ZNF618: variants seen among roughly 807,000 people sequenced by gnomAD.
ZNF618 encodes neural precursor cell expressed, developmentally down-regulated 10.
Under a neutral mutation model 103.0 loss-of-function variants are expected in ZNF618, and 34 were observed. The ratio of observed to expected loss-of-function variants is 0.33; its 90% CI spans 0.25 to 0.44. ZNF618 has a LOEUF of 0.44. Ranked by LOEUF, ZNF618 falls within the 20% of genes least tolerant of loss-of-function variation. The pLI, the probability that ZNF618 is intolerant of heterozygous loss-of-function variation, is 1.00. For missense variants in ZNF618, 1,059 were observed against 1,295.4 expected (o/e 0.82, Z 2.80); for synonymous variants, 551 against 542.2 (o/e 1.02, Z -0.23).
intron 1 of ZNF618, among the ~76,000 whole-genome samples, chr9:113,953,077 G>T (rs1835922163): frequency 6.6e-6 from 1 of 152,102 alleles, no homozygotes; most frequent in African/African-American, 2.4e-5. Flanking sequence ...CTGCTCCCAG[G>T]GTCTACTGTA....
chr9:113,990,299 C>G (rs1331079143), intron 3 of ZNF618, among the ~76,000 whole-genome samples: 9 of 152,152 alleles, frequency 5.9e-5, no homozygotes, highest in Admixed American at 5.2e-4. Context: ...CCTGCCTCTT[C>G]CATGAAAGTG....
chr9:113,929,715 G>A (rs1225005891), intron 1 of ZNF618, among the ~76,000 whole-genome samples: 2 of 152,092 alleles, frequency 1.3e-5, no homozygotes, highest in Non-Finnish European at 2.9e-5. Context: ...TTTATAGTGG[G>A]GATAAGGCCA....
At chr9:113,957,096 A>C (rs562435793) in intron 1 of ZNF618, among the ~76,000 whole-genome samples, 5 of 152,202 alleles carry the variant, frequency 3.3e-5, no homozygotes, top group Non-Finnish European at 5.9e-5. Flanking sequence ...TGTAGATACT[A>C]TGCTGGGAAC....
At chr9:114,036,844 T>G (rs1228989960) in intron 13 of ZNF618, among the ~76,000 whole-genome samples, 1 of 152,212 alleles carries the variant, frequency 6.6e-6, no homozygotes, top group Non-Finnish European at 1.5e-5. Flanking sequence ...TGTCCCAGAA[T>G]GCAGTTGCGC....
chr9:113,942,043 AAAACATTTAGGACAATGTCTGGT>A lies in ZNF618; in HGVS notation c.34-27072_34-27050del, dbSNP rs527745379. On this transcript the variant is annotated intron_variant, in intron 1 of 14. Transcript: ENST00000374126. ...GGAGACGAAATAGGACACAACGGAC[AAAACATTTAGGACAATGTCTGGT>A]ATGGAGGAAGTGGTCAATACGGGAA... 1.2e-4 allele frequency among the ~76,000 whole-genome samples: 19 copies of A among 152,316 alleles called. No individual in the cohort carries two copies. The East Asian group carries it at 2.7e-3, about 22-fold the overall frequency.
intron 1 of ZNF618, among the ~76,000 whole-genome samples, chr9:113,901,664 C>G (rs543635908): frequency 6.6e-6 from 1 of 152,124 alleles, no homozygotes; most frequent in African/African-American, 2.4e-5. Context: ...AGGGTTATCA[C>G]GGGGTCTCGT....
intron 3 of ZNF618, 25 bp downstream of exon 3, chr9:113,988,605 G>A (rs1839717400): frequency 6.3e-7 from 1 of 1,587,708 alleles, no homozygotes; most frequent in Non-Finnish European, 8.5e-7. Context: ...TCTGTGGTCA[G>A]GGTGGAGACC....
At chr9:113,882,624 A>G (rs759317805) in intron 1 of ZNF618, among the ~76,000 whole-genome samples, 6 of 152,212 alleles carry the variant, frequency 3.9e-5, no homozygotes, top group Non-Finnish European at 8.8e-5. Flanking sequence ...CCTGCCATCC[A>G]TGAGACTTTC....
chr9:113,946,673 G>A (rs542173650), intron 1 of ZNF618, among the ~76,000 whole-genome samples: 7 of 152,170 alleles, frequency 4.6e-5, no homozygotes, highest in East Asian at 1.9e-4. Context: ...GTCTGTGTGC[G>A]TCTTTTGCCT....
At chr9:113,949,439 G>A (rs1004419513) in intron 1 of ZNF618, among the ~76,000 whole-genome samples, 1 of 152,120 alleles carries the variant, frequency 6.6e-6, no homozygotes, top group Non-Finnish European at 1.5e-5. Context: ...ACAGTCCCTC[G>A]GAGGCGTATG....
At position 113,913,758 on chromosome 9, in the gene ZNF618, A is replaced by T. The variant is rs943754449; in HGVS notation, c.33+37345A>T. Reference sequence around the variant, plus strand: ...GAGGGAGGGTGGGTGCTGTGGAAAGACTGTTGTCTTGGGTTTGAGGGTAGA... The same window carrying T: ...GAGGGAGGGTGGGTGCTGTGGAAAGTCTGTTGTCTTGGGTTTGAGGGTAGA... On this transcript the variant is annotated intron_variant, in intron 1 of 14. Coordinates refer to ENST00000374126, the MANE Select transcript of ZNF618 (RefSeq NM_001318042.2). Among the ~76,000 whole-genome samples, 15 of 152,238 alleles carry T rather than the reference A, an allele frequency of 9.9e-5. No homozygotes were observed. In the South Asian group the frequency reaches 2.5e-3, roughly 25 times the overall value.
chr9:113,938,524 TGTTATTTGTAG>T (rs200710408), intron 1 of ZNF618, among the ~76,000 whole-genome samples: 7,327 of 151,558 alleles, frequency 0.048, 267 homozygotes, highest in African/African-American at 0.096. Context: ...TGTTTTGTAG[TGTTATTTGTAG>T]GATGTGATTC....
intron 1 of ZNF618, among the ~76,000 whole-genome samples, chr9:113,905,318 C>T (rs1830897618): frequency 6.6e-6 from 1 of 152,140 alleles, no homozygotes; most frequent in Admixed American, 6.5e-5. Context: ...TCCCAAAGTG[C>T]CTGTTTGATC....
intron 1 of ZNF618, among the ~76,000 whole-genome samples, chr9:113,876,916 A>G (rs1262912713): frequency 7.2e-6 from 1 of 139,808 alleles, no homozygotes; most frequent in South Asian, 2.3e-4. Context: ...TTTTTTTTCT[A>G]ATTTTTCTTC....
chr9:113,887,665 G>A (rs1421482571), intron 1 of ZNF618, among the ~76,000 whole-genome samples: 1 of 152,178 alleles, frequency 6.6e-6, no homozygotes, highest in Non-Finnish European at 1.5e-5. Context: ...AGTGGGCAGA[G>A]CTGGCAGGGT....
intron 1 of ZNF618, among the ~76,000 whole-genome samples, chr9:113,879,758 T>C (rs1231134596): frequency 6.6e-6 from 1 of 151,928 alleles, no homozygotes; most frequent in Non-Finnish European, 1.5e-5. Flanking sequence ...TATTACTTAA[T>C]GTTTTGCTTT....
intron 1 of ZNF618, among the ~76,000 whole-genome samples, chr9:113,967,786 C>CA (rs59220599): frequency 6.6e-6 from 1 of 151,882 alleles, no homozygotes; most frequent in African/African-American, 2.4e-5. Flanking sequence ...TGGGACCAGA[C>CA]GGGCTGGGTG....
At chr9:113,939,081 T>C (rs1184399953) in intron 1 of ZNF618, among the ~76,000 whole-genome samples, 1 of 151,208 alleles carries the variant, frequency 6.6e-6, no homozygotes, top group African/African-American at 2.4e-5. Context: ...TTCTTGTTTC[T>C]TGTCTTCAAC....
At chr9:114,029,664 G>A (rs1428430351) in intron 11 of ZNF618, among the ~76,000 whole-genome samples, 1 of 152,116 alleles carries the variant, frequency 6.6e-6, no homozygotes, top group Non-Finnish European at 1.5e-5. Context: ...ACAAGGATCT[G>A]CTCTGAACAA....
Sources: gnomAD v4.1 joint callset for allele counts (sites outside exome capture counted in the v4.1 genomes callset) on GRCh38, gnomAD v4.1.1 for gene constraint, MANE v1.5 for transcripts, NCBI Gene and HGNC (gene_info 2026-07-23, HGNC 2026-07-21) for gene names.